GRM7: variants seen among roughly 807,000 people sequenced by gnomAD.
GRM7 encodes the protein glutamate metabotropic receptor 7, also known as metabotropic glutamate receptor 7.
In GRM7, 35 loss-of-function variants were observed where a neutral mutation model predicts 84.5. The observed-to-expected ratio is 0.41, with a 90% CI of 0.32 to 0.55. GRM7 has a LOEUF of 0.55. GRM7 is among the 20% of genes least tolerant of loss of function. The pLI is 0.19. For synonymous variants in GRM7, 487 were observed against 455.1 expected, an observed-to-expected ratio of 1.07 and a Z score of -0.89; for missense variants, 1,003 against 1,194.6, an observed-to-expected ratio of 0.84 and a Z score of 2.36.
At chr3:7,292,464 G>T (rs1165221998) in intron 2 of GRM7, among the ~76,000 whole-genome samples, 1 of 152,008 alleles carries the variant, frequency 6.6e-6, no homozygotes, top group African/African-American at 2.4e-5. Context: ...TTGTGATTTG[G>T]GGTGAGTTAT....
chr3:7,513,034 T>C (rs1366060191), intron 7 of GRM7, among the ~76,000 whole-genome samples: 2 of 152,238 alleles, frequency 1.3e-5, no homozygotes, highest in African/African-American at 2.4e-5. Context: ...CAGTAGTACC[T>C]GGAGAAAATA....
chr3:7,521,049 G>T (rs992741939), intron 7 of GRM7, among the ~76,000 whole-genome samples: 2 of 152,060 alleles, frequency 1.3e-5, no homozygotes, highest in Admixed American at 1.3e-4. Context: ...GTTCCTAATG[G>T]GTCACACTGA....
chr3:7,364,451 G>A (rs17494170), intron 4 of GRM7, among the ~76,000 whole-genome samples: 95,690 of 151,428 alleles, frequency 0.63, 30,854 homozygotes, highest in African/African-American at 0.77. Flanking sequence ...ATCTTCTAGT[G>A]GTGAGTTTTA....
chr3:7,665,233 G>A (rs994259025), intron 8 of GRM7, among the ~76,000 whole-genome samples: 10 of 145,732 alleles, frequency 6.9e-5, no homozygotes, highest in East Asian at 4.1e-4. Flanking sequence ...GTGCAGTGGC[G>A]CAATCTCGGC....
At chr3:7,369,978 C>A (rs1006507293) in intron 4 of GRM7, among the ~76,000 whole-genome samples, 1 of 152,044 alleles carries the variant, frequency 6.6e-6, no homozygotes, top group Non-Finnish European at 1.5e-5. Flanking sequence ...TGCAAGCATC[C>A]CTCATGGGAA....
At position 7,577,573 on chromosome 3, in the gene GRM7, G is replaced by A. The variant is rs147793968; in HGVS notation, c.1516-849G>A. 5.3e-3 allele frequency among the ~76,000 whole-genome samples: 802 copies of A among 152,272 alleles called. 2 individuals are homozygous for A. Among genetic ancestry groups the A allele is most frequent in the Non-Finnish European group, 9.5e-3 (643 of 68,016 alleles). ...TTTCCACCCAACAGTAAAGTTTCCC[G>A]TTGTTTCTAATGCCATTATTTCTCA... On this transcript the variant is annotated intron_variant, in intron 7 of 9. Coordinates refer to ENST00000357716, the MANE Select transcript of GRM7 (RefSeq NM_000844.4).
At chr3:7,342,642 C>T (rs188923557) in intron 4 of GRM7, among the ~76,000 whole-genome samples, 54 of 151,802 alleles carry the variant, frequency 3.6e-4, no homozygotes, top group South Asian at 2.7e-3. Flanking sequence ...AAAGCAGGTT[C>T]CTAGGTTCCA....
chr3:7,265,780 G>A (rs189276577), intron 2 of GRM7, among the ~76,000 whole-genome samples: 2 of 152,262 alleles, frequency 1.3e-5, no homozygotes, highest in African/African-American at 4.8e-5. Context: ...AACATGACAG[G>A]CCACCTTTCT....
At chr3:7,377,467 TG>T (rs1486718371) in intron 4 of GRM7, among the ~76,000 whole-genome samples, 20 of 152,300 alleles carry the variant, frequency 1.3e-4, no homozygotes, top group African/African-American at 2.9e-4. Context: ...GAATCAATAG[TG>T]GGTGCTTACG....
At chr3:7,307,341 A>G (rs1358664234) in intron 4 of GRM7, among the ~76,000 whole-genome samples, 1 of 130,902 alleles carries the variant, frequency 7.6e-6, no homozygotes, top group Non-Finnish European at 1.8e-5. Context: ...GTTGTTTCTA[A>G]AAGAAGACGC....
intron 7 of GRM7, among the ~76,000 whole-genome samples, chr3:7,562,988 A>T (rs544631466): frequency 2.0e-5 from 3 of 152,300 alleles, no homozygotes; most frequent in African/African-American, 7.2e-5. Context: ...AGAGATTCAA[A>T]ACTTATAAAA....
At chr3:7,264,875 A>AT (rs71063297) in intron 2 of GRM7, among the ~76,000 whole-genome samples, 152,337 of 152,338 alleles carry the variant, frequency 1, 76,168 homozygotes, top group Non-Finnish European at 1. Context: ...TTTAAAGCAG[A>AT]TGCATTACAC....
chr3:7,002,746 C>T (rs1381706007), intron 1 of GRM7, among the ~76,000 whole-genome samples: 1 of 152,064 alleles, frequency 6.6e-6, no homozygotes, highest in Non-Finnish European at 1.5e-5. Flanking sequence ...GGTGTATATC[C>T]AGAGGAATTG....
intron 9 of GRM7, among the ~76,000 whole-genome samples, chr3:7,710,102 A>C (rs552945178): frequency 2.0e-5 from 3 of 152,204 alleles, no homozygotes; most frequent in Non-Finnish European, 4.4e-5. Context: ...TGTATATATT[A>C]TTATATATAA....
chr3:7,052,041 T>C (rs1437956163), intron 1 of GRM7, among the ~76,000 whole-genome samples: 1 of 151,728 alleles, frequency 6.6e-6, no homozygotes, highest in South Asian at 2.1e-4. Context: ...TAACAAATTA[T>C]GTTAGGAAAA....
At chr3:7,352,057 C>CACACACA (rs1277659188) in intron 4 of GRM7, among the ~76,000 whole-genome samples, 47 of 136,894 alleles carry the variant, frequency 3.4e-4, no homozygotes, top group African/African-American at 7.7e-4. Context: ...CACACACACA[C>CACACACA]CACACACACA....
At chr3:7,299,230 T>C (rs1699914974) in intron 3 of GRM7, among the ~76,000 whole-genome samples, 1 of 152,198 alleles carries the variant, frequency 6.6e-6, no homozygotes. Flanking sequence ...TTGTCTTAAC[T>C]CTACATTCTC....
intron 4 of GRM7, among the ~76,000 whole-genome samples, chr3:7,367,122 C>A (rs1170242862): frequency 1.3e-5 from 2 of 150,262 alleles, no homozygotes; most frequent in Non-Finnish European, 3.0e-5. Context: ...TCATTTATTT[C>A]TTTACTTCAG....
chr3:7,598,320 A>G (rs1234368675), intron 8 of GRM7, among the ~76,000 whole-genome samples: 1 of 152,208 alleles, frequency 6.6e-6, no homozygotes, highest in Non-Finnish European at 1.5e-5. Flanking sequence ...GGGAACAGTT[A>G]GAGAATACCT....
Sources: gnomAD v4.1 joint callset for allele counts (sites outside exome capture counted in the v4.1 genomes callset) on GRCh38, gnomAD v4.1.1 for gene constraint, MANE v1.5 for transcripts, NCBI Gene and HGNC (gene_info 2026-07-23, HGNC 2026-07-21) for gene names.